Variants in PTH2R observed in about 807,000 individuals in gnomAD.
PTH2R encodes parathyroid hormone 2 receptor, also known as PTH2 receptor.
PTH2R carries 59 observed loss-of-function variants against 60.3 expected under a neutral mutation model. The observed-to-expected ratio is 0.98, with a 90% CI of 0.79 to 1.22. The LOEUF is 1.22. Among genes scored for constraint, PTH2R ranks in the 50% most tolerant of loss-of-function variants. The probability of loss-of-function intolerance (pLI) is 0.00; values close to 1 mark genes in which losing one functional copy is unlikely to be tolerated. For missense variants in PTH2R, 749 were observed against 682.6 expected (o/e 1.10, Z -1.08); for synonymous variants, 256 against 243.8 (o/e 1.05, Z -0.47).
intron 1 of PTH2R, among the ~76,000 whole-genome samples, chr2:208,399,461 A>G (rs11897777): frequency 0.13 from 19,059 of 152,018 alleles, 1,342 homozygotes; most frequent in African/African-American, 0.19. Context: ...TATGCTAACA[A>G]TGTCATCTGT....
chr2:208,468,445 G>T (rs1702804851), intron 9 of PTH2R, among the ~76,000 whole-genome samples: 1 of 152,096 alleles, frequency 6.6e-6, no homozygotes, highest in Admixed American at 6.6e-5. Flanking sequence ...CCTACCCAAT[G>T]AACTCCATGC....
At chr2:208,363,831 C>A (rs959826340) in intron 1 of PTH2R, among the ~76,000 whole-genome samples, 2 of 152,034 alleles carry the variant, frequency 1.3e-5, no homozygotes, top group African/African-American at 4.8e-5. Context: ...GAAGTGTCTG[C>A]TCCTGTCATT....
chr2:208,443,318 A>T, intron 5 of PTH2R, 30 bp from the exon 6 acceptor site: 2 of 1,480,626 alleles, frequency 1.4e-6, no homozygotes, highest in Non-Finnish European at 1.8e-6. Context: ...ATTTTATCCA[A>T]ATTTAAATAC....
intron 2 of PTH2R, among the ~76,000 whole-genome samples, chr2:208,429,402 G>T (rs1701925157): frequency 6.6e-6 from 1 of 152,016 alleles, no homozygotes; most frequent in Non-Finnish European, 1.5e-5. Context: ...TATGTTAGGA[G>T]GTTATTTAAG....
upstream of PTH2R, among the ~76,000 whole-genome samples, chr2:208,406,148 A>G (rs1463135465): frequency 1.3e-5 from 2 of 152,238 alleles, no homozygotes; most frequent in Non-Finnish European, 2.9e-5. Flanking sequence ...CAGAATTCAA[A>G]GGCTTTCTTC....
chr2:208,413,227 C>A (rs1465926088), intron 1 of PTH2R, among the ~76,000 whole-genome samples: 1 of 151,978 alleles, frequency 6.6e-6, no homozygotes, highest in African/African-American at 2.4e-5. Context: ...AATTATATTA[C>A]AAATGACAGA....
At chr2:208,426,322 TG>T (rs1162702468) in intron 1 of PTH2R, among the ~76,000 whole-genome samples, 1 of 152,242 alleles carries the variant, frequency 6.6e-6, no homozygotes, top group Non-Finnish European at 1.5e-5. Context: ...TGTAACATTT[TG>T]TTTTGGGTGC....
intron 9 of PTH2R, among the ~76,000 whole-genome samples, chr2:208,477,190 T>C (rs1309118411): frequency 2.0e-5 from 3 of 152,098 alleles, no homozygotes. Flanking sequence ...GAGGAGAAGA[T>C]AGACATGAAT....
intron 9 of PTH2R, among the ~76,000 whole-genome samples, chr2:208,465,893 TA>T (rs368477300): frequency 1.3e-3 from 182 of 135,490 alleles, no homozygotes; most frequent in East Asian, 1.5e-3. Flanking sequence ...TTTTTTTTTT[TA>T]AAAATCCAAA....
chr2:208,421,813 C>T (rs1314569235), intron 1 of PTH2R, among the ~76,000 whole-genome samples: 1 of 152,142 alleles, frequency 6.6e-6, no homozygotes, highest in Non-Finnish European at 1.5e-5. Flanking sequence ...TTACTTGGCC[C>T]ATTCACACTG....
intron 12 of PTH2R, among the ~76,000 whole-genome samples, chr2:208,491,222 G>T (rs17718694): frequency 6.6e-6 from 1 of 152,108 alleles, no homozygotes; most frequent in Non-Finnish European, 1.5e-5. Context: ...CTTGCTGCAG[G>T]CCCCAGAAGT....
chr2:208,447,575 G>A (rs1376995111), intron 7 of PTH2R, among the ~76,000 whole-genome samples: 1 of 137,950 alleles, frequency 7.2e-6, no homozygotes. Context: ...GTGACAGAGC[G>A]AGACTCCATC....
intron 7 of PTH2R, among the ~76,000 whole-genome samples, chr2:208,446,376 C>T (rs370320590): frequency 2.0e-5 from 3 of 152,286 alleles, no homozygotes; most frequent in Admixed American, 1.3e-4. Context: ...TGGTTTCTTA[C>T]CTTCCTTTAC....
intron 1 of PTH2R, among the ~76,000 whole-genome samples, chr2:208,386,101 A>T (rs542068144): frequency 1.3e-5 from 2 of 152,216 alleles, no homozygotes; most frequent in Non-Finnish European, 2.9e-5. Flanking sequence ...TCTTTAATTC[A>T]TTCCATATAT....
rs1019800970 is a variant in PTH2R, at chr2:208,376,765, T to C, written c.-259+16528T>C. Among the ~76,000 whole-genome samples, 11 of 152,112 alleles carry C rather than the reference T, an allele frequency of 7.2e-5. 1 individual carries two copies. The highest frequency in any genetic ancestry group is 2.7e-4 in the African/African-American group (11 of 41,364). On this transcript the variant is annotated intron_variant, in intron 1 of 12. Transcript: ENST00000617735. ...CTTGGACATATTCCTATATGTGGGC[T>C]CTATTCTCTGCAGCACGTCACTCCC...
intron 2 of PTH2R, among the ~76,000 whole-genome samples, chr2:208,430,079 T>C (rs1054613877): frequency 6.6e-6 from 1 of 152,172 alleles, no homozygotes; most frequent in Non-Finnish European, 1.5e-5. Context: ...CACCGCCAAC[T>C]AGTATGGAAG....
intron 1 of PTH2R, among the ~76,000 whole-genome samples, chr2:208,366,012 G>A (rs67660353): frequency 0.14 from 12,624 of 91,580 alleles, 884 homozygotes; most frequent in African/African-American, 0.21. Flanking sequence ...GACAAGGTAG[G>A]TCTTGCTATG....
At chr2:208,437,997 C>G (rs1702110083) in intron 4 of PTH2R, 116 bp downstream of exon 4, 1 of 1,322,648 alleles carries the variant, frequency 7.6e-7, no homozygotes, top group African/African-American at 1.5e-5. Context: ...ACACAAGGAT[C>G]ATAAAAGATA....
chr2:208,394,613 C>T (rs547010570), intron 1 of PTH2R, among the ~76,000 whole-genome samples: 3 of 152,262 alleles, frequency 2.0e-5, no homozygotes, highest in African/African-American at 4.8e-5. Context: ...TCCTTTTGAC[C>T]TCCTAGACTT....
Sources: allele counts gnomAD v4.1 joint callset (sites outside exome capture counted in the v4.1 genomes callset), GRCh38; gene constraint gnomAD v4.1.1; transcripts MANE v1.5; gene names NCBI Gene and HGNC (gene_info 2026-07-23, HGNC 2026-07-21).